MUC5B: variants seen among roughly 807,000 people sequenced by gnomAD.
MUC5B encodes mucin 5B, oligomeric mucus/gel-forming, also known as mucin-5B.
MUC5B carries 116 observed loss-of-function variants against 376.9 expected under a neutral mutation model. The ratio of observed to expected loss-of-function variants is 0.31; its 90% CI spans 0.26 to 0.36. MUC5B has a LOEUF of 0.36. Ranked by LOEUF, MUC5B falls within the 10% of genes least tolerant of loss-of-function variation. MUC5B has a pLI of 1.00. For synonymous variants in MUC5B, 3,517 were observed against 3,390.9 expected, an observed-to-expected ratio of 1.04 and a Z score of -1.29; for missense variants, 7,165 against 7,769.9, an observed-to-expected ratio of 0.92 and a Z score of 2.93.
At chr11:1,230,227 T>C (rs2133809682) in intron 11 of MUC5B, 84 bp downstream of exon 11, 5 of 1,499,630 alleles carry the variant, frequency 3.3e-6, no homozygotes, top group Non-Finnish European at 4.5e-6. Flanking sequence ...GCCCCCACGA[T>C]GGTCATAGAG....
rs1862370427 is a variant in MUC5B at position 1,243,868 on chromosome 11, A to C, written c.6988A>C (p.Met2330Leu). 2 of 1,611,032 alleles carry C rather than the reference A, an allele frequency of 1.2e-6. No homozygotes were observed. Among genetic ancestry groups the C allele is most frequent in the Non-Finnish European group, 1.7e-6 (2 of 1,179,442 alleles). Residue 2330 changes from methionine to leucine, a missense_variant, in exon 31 of 49, where the codon ATG (methionine) becomes CTG (leucine). Met to Leu is a conservative substitution (Grantham distance 15). Transcript: ENST00000529681. ...AGAGTGGCTGGACTACAGCTACCCC[A>C]TGCCGGGGCCCTCTGGCGGGGACTT... ...WSEWLDYSYPMPGPSGGDFDT... is the reference protein window; with the variant it reads ...WSEWLDYSYPLPGPSGGDFDT...
rs779697436 is a variant in MUC5B at position 1,249,881 on chromosome 11, C to G, written c.13001C>G (p.Thr4334Ser). 6 of 1,613,726 alleles carry G rather than the reference C, an allele frequency of 3.7e-6. No individual in the cohort carries two copies. The highest frequency in any genetic ancestry group is 2.2e-5 in the South Asian group (2 of 91,076). The part of the protein sequence containing the change: ...TPIPSSTLGT[T>S]GTLPEQTTTP... Reference sequence around the variant, plus strand: ...ATCCCCTCCTCCACCCTTGGGACCACCGGGACCCTCCCAGAACAGACCACC... The same window carrying G: ...ATCCCCTCCTCCACCCTTGGGACCAGCGGGACCCTCCCAGAACAGACCACC... Residue 4334 changes from threonine to serine, a missense_variant, in exon 31 of 49, where the codon ACC (threonine) becomes AGC (serine). Thr to Ser is a moderately conservative substitution (Grantham distance 58). Transcript: ENST00000529681.
chr11:1,227,470 C>A, intron 6 of MUC5B, 72 bp downstream of exon 6: 1 of 1,268,982 alleles, frequency 7.9e-7, no homozygotes, highest in Non-Finnish European at 1.1e-6. Flanking sequence ...CCCGGGGAGG[C>A]CGGGAGGGGG....
Position 1,244,489 on chromosome 11 carries a change from T to C in MUC5B, c.7609T>C (p.Phe2537Leu), listed in dbSNP as rs201309982. The C allele has an allele frequency of 6.5e-7, 1 of 1,545,272 alleles. No homozygotes were observed. Among genetic ancestry groups the C allele is most frequent in the East Asian group, 2.2e-5 (1 of 44,732 alleles). ...AGCCACCACACCCACAGCTACCAGCTTTACAGCCATCCCCTCCTCCTCCCT... is the reference window on the plus strand; with the variant it reads ...AGCCACCACACCCACAGCTACCAGCCTTACAGCCATCCCCTCCTCCTCCCT... ...STATTPTATS[F>L]TAIPSSSLGT... The change falls in exon 31 of 49, where the codon TTT (phenylalanine) becomes CTT (leucine). Residue 2537 changes from phenylalanine to leucine, a missense_variant. Physicochemically the swap from Phe to Leu is conservative, Grantham distance 22 (BLOSUM62 0). Transcript: ENST00000529681.
intron 25 of MUC5B, 85 bp downstream of exon 25, chr11:1,237,249 A>G: frequency 7.7e-7 from 1 of 1,298,736 alleles, no homozygotes; most frequent in Non-Finnish European, 9.8e-7. Context: ...CTGGGCAGAC[A>G]GCAGCGCTCC....
At position 1,250,717 on chromosome 11, in the gene MUC5B, C is replaced by T. The variant is rs769341692; in HGVS notation, c.13837C>T (p.Leu4613Phe). The T allele has an allele frequency of 5.6e-6, 9 of 1,610,102 alleles. No individual in the cohort carries two copies. The South Asian group carries it at 8.8e-5, about 16-fold the overall frequency. Residue 4613 changes from leucine to phenylalanine, a missense_variant, in exon 31 of 49, where the codon CTC (leucine) becomes TTC (phenylalanine). Transcript: ENST00000529681. ...CCCCTCCTCCAGCCCAGGGACGGCA[C>T]TCACGCCTCCAGTGTGGATCAGCAC... ...ATPSSSPGTA[L>F]TPPVWISTTT... is the part of the protein sequence containing the mutation.
rs1862002401 is a variant in MUC5B, at chr11:1,230,521, C to G, written c.1391C>G (p.Ala464Gly). ...KCADSSFTVLAELRKCGLTDN... is the reference protein window; with the variant it reads ...KCADSSFTVLGELRKCGLTDN... ...GCCGACAGCAGCTTCACCGTGCTGG[C>G]TGAGCTGCGGAAGTGCGGCCTGACG... The change falls in exon 12 of 49, where the codon GCT becomes GGT. Residue 464 changes from alanine to glycine, a missense_variant. This residue lies in a region of MUC5B where 640 missense variants were observed against 733.0 expected (regional missense o/e 0.87). Transcript: ENST00000529681. The G allele has an allele frequency of 6.2e-7, 1 of 1,611,002 alleles. No individual in the cohort carries two copies. Among genetic ancestry groups the G allele is most frequent in the Non-Finnish European group, 8.5e-7 (1 of 1,178,820 alleles).
intron 12 of MUC5B, 72 bp downstream of exon 12, chr11:1,230,672 T>C (rs372274368): frequency 2.5e-5 from 35 of 1,376,038 alleles, no homozygotes; most frequent in Non-Finnish European, 3.4e-5. Context: ...GCAAGCACGG[T>C]CAGGTCCCCC....
rs60787297 is a variant in MUC5B, at chr11:1,244,556, C to T, written c.7676C>T (p.Thr2559Met). 616,783 of 1,601,592 alleles carry T rather than the reference C, an allele frequency of 0.39. 69,187 individuals are homozygous for T. Among genetic ancestry groups the T allele is most frequent in the East Asian group, 0.66 (29,043 of 44,248 alleles). Residue 2559 changes from threonine to methionine, a missense_variant, in exon 31 of 49, where the codon ACG (threonine) becomes ATG (methionine). Physicochemically the swap from Thr to Met is moderately conservative, Grantham distance 81. Coordinates refer to ENST00000529681, the MANE Select transcript of MUC5B (RefSeq NM_002458.3). The stretch of plus-strand genomic sequence containing the variant: ...CGCCTATCACAGACCACCACACCCA[C>T]GGCCACCATGTCCACAGCCACACCC... ...WTRLSQTTTP[T>M]ATMSTATPSS...
rs1862546890 is a variant in MUC5B, at chr11:1,248,040, G to T, written c.11160G>T (p.Trp3720Cys). Residue 3720 changes from tryptophan to cysteine, a missense_variant, in exon 31 of 49, where the codon TGG becomes TGT. Trp to Cys is a radical substitution (Grantham distance 215). Transcript: ENST00000529681. ...CGTCCTCCACCCCAGGGACCACCTGGATCCTCACAGAGCCGAGCACTACAG... is the reference window on the plus strand; with the variant it reads ...CGTCCTCCACCCCAGGGACCACCTGTATCCTCACAGAGCCGAGCACTACAG... The part of the protein sequence containing the change: ...ATPSSTPGTT[W>C]ILTEPSTTAT... 3 of 1,603,366 alleles carry T rather than the reference G, an allele frequency of 1.9e-6. No homozygotes were observed. The highest frequency in any genetic ancestry group is 2.6e-6 in the Non-Finnish European group (3 of 1,175,744).
At position 1,245,360 on chromosome 11, in the gene MUC5B, C is replaced by T. The variant is rs372437958; in HGVS notation, c.8480C>T (p.Thr2827Met). Reference protein sequence around the residue: ...RTTESPPSPGTTTPGHTRATS... With the variant: ...RTTESPPSPGMTTPGHTRATS... The stretch of plus-strand genomic sequence containing the variant: ...ACCGAGTCACCCCCTTCTCCAGGGA[C>T]GACCACCCCGGGCCACACCAGGGCC... Residue 2827 changes from threonine to methionine, a missense_variant, in exon 31 of 49, where the codon ACG (threonine) becomes ATG (methionine). By Grantham distance (81) the Thr-to-Met change is moderately conservative. This residue lies in a region of MUC5B where 50 missense variants were observed against 66.4 expected (regional missense o/e 0.75). Transcript: ENST00000529681. 5.1e-5 allele frequency: 81 copies of T among 1,585,652 alleles called. 8 individuals carry two copies. Among genetic ancestry groups the T allele is most frequent in the Admixed American group, 7.0e-5 (4 of 57,250 alleles).
At chr11:1,259,922 G>T in intron 45 of MUC5B, 41 bp from the exon 46 acceptor site, 2 of 1,612,638 alleles carry the variant, frequency 1.2e-6, no homozygotes, top group East Asian at 2.2e-5. Context: ...TGCACAAGAG[G>T]TAATCCCTAC....
chr11:1,230,868 C>A, intron 12 of MUC5B, 68 bp from the exon 13 acceptor site: 1 of 1,532,010 alleles, frequency 6.5e-7, no homozygotes, highest in African/African-American at 1.4e-5. Context: ...GGGCAGGCCA[C>A]CCCCTCATTT....
chr11:1,227,422 G>T (rs2133805811), intron 6 of MUC5B, 24 bp downstream of exon 6: 2 of 1,568,050 alleles, frequency 1.3e-6, no homozygotes, highest in East Asian at 4.5e-5. Context: ...GGGTGAGGGG[G>T]CGGTGACCAA....
chr11:1,237,361 G>A (rs1245279027), intron 25 of MUC5B, among the ~76,000 whole-genome samples, 197 bp downstream of exon 25: 6 of 152,206 alleles, frequency 3.9e-5, no homozygotes, highest in East Asian at 3.8e-4. Flanking sequence ...CCCCTGGCAC[G>A]AAGCCATCTT....
chr11:1,225,359 C>T lies in MUC5B; in HGVS notation c.71-322C>T, dbSNP rs141186138. Among the ~76,000 whole-genome samples the T allele has an allele frequency of 3.1e-3, 476 of 152,370 alleles. 5 individuals are homozygous for T. Among genetic ancestry groups the T allele is most frequent in the African/African-American group, 0.011 (461 of 41,580 alleles). On this transcript the variant is annotated intron_variant, in intron 1 of 48. Transcript: ENST00000529681. ...TCCCTTGAGAAGGAGGCACCATCCCCGCCTGTCAGTCGGGGACAGGGCAGG... is the reference window on the plus strand; with the variant it reads ...TCCCTTGAGAAGGAGGCACCATCCCTGCCTGTCAGTCGGGGACAGGGCAGG...
chr11:1,244,721 C>A lies in MUC5B; in HGVS notation c.7841C>A (p.Thr2614Lys), dbSNP rs200411649. ...HTTKVLTTTT[T>K]GFTATPSSSP... ...ACCAAAGTGCTGACTACCACAACCA[C>A]GGGCTTCACAGCCACCCCCTCCTCC... Residue 2614 changes from threonine to lysine, a missense_variant, in exon 31 of 49, where the codon ACG becomes AAG. Thr to Lys is a moderately conservative substitution (Grantham distance 78). Coordinates refer to ENST00000529681, the MANE Select transcript of MUC5B (RefSeq NM_002458.3). 6.5e-7 allele frequency: 1 copy of A among 1,535,940 alleles called. No homozygotes were observed. Among genetic ancestry groups the A allele is most frequent in the East Asian group, 2.2e-5 (1 of 44,850 alleles).
Position 1,255,042 on chromosome 11 carries a change from C to T in MUC5B, c.15666C>T (p.Gly5222=), listed in dbSNP as rs765429115. The change falls in exon 36 of 49, where the codon GGC becomes GGT. Residue 5222 remains glycine (G), a splice_region_variant and synonymous_variant. Transcript: ENST00000529681. ...LFHNNTEGQC[G]TCTNNQRDDC... ...CCGCGGTGACGCCCCCACTCCCAGG[C>T]ACCTGCACCAACAACCAGAGGGACG... 14 of 1,587,188 alleles carry T rather than the reference C, an allele frequency of 8.8e-6. No individual in the cohort carries two copies. The highest frequency in any genetic ancestry group is 1.1e-5 in the Non-Finnish European group (13 of 1,167,772).
Position 1,226,227 on chromosome 11 carries a change from C to G in MUC5B, c.150C>G (p.Thr50=). 6.4e-7 allele frequency: 1 copy of G among 1,555,192 alleles called. No homozygotes were observed. Among genetic ancestry groups the G allele is most frequent in the Non-Finnish European group, 8.7e-7 (1 of 1,151,170 alleles). ...CAGGTGCCCCGACGTCCTCGCCCAC[C>G]CGGCGCGTGAGCTTTGTTCCACCCG... ...MDGGAPTSSP[T]RRVSFVPPVT... Residue 50 remains threonine, a synonymous_variant, in exon 3 of 49, where the codon ACC becomes ACG. Transcript: ENST00000529681.
Sources: gnomAD v4.1 joint callset for allele counts (sites outside exome capture counted in the v4.1 genomes callset) on GRCh38, gnomAD v4.1.1 for gene constraint, gnomAD v4.1.1 regional missense constraint, MANE v1.5 for transcripts, NCBI Gene and HGNC (gene_info 2026-07-23, HGNC 2026-07-21) for gene names.